The following ANKRD60 variants were observed in gnomAD, a reference collection of about 807,000 sequenced individuals.
ANKRD60 encodes ankyrin repeat domain 60.
ANKRD60 carries 24 observed loss-of-function variants against 21.3 expected under a neutral mutation model. The ratio of observed to expected loss-of-function variants is 1.13; its 90% CI spans 0.82 to 1.59. The LOEUF (loss-of-function observed/expected upper bound fraction) is 1.59, where lower values mean the gene tolerates loss of function less well. ANKRD60 is among the 40% of genes most tolerant of loss of function. The pLI is 0.00. For missense variants in ANKRD60, 490 were observed against 466.7 expected (o/e 1.05, Z -0.46); for synonymous variants, 182 against 199.4 (o/e 0.91, Z 0.74).
intron 1 of ANKRD60, among the ~76,000 whole-genome samples, chr20:58,224,029 G>C (rs983867163): frequency 6.6e-6 from 1 of 152,076 alleles, no homozygotes; most frequent in Non-Finnish European, 1.5e-5. Context: ...CTGAGCCTAG[G>C]AGACAGAGGT....
intron 3 of ANKRD60, among the ~76,000 whole-genome samples, chr20:58,220,683 A>AGTGTGTGTGTGTGTGT (rs36015489): frequency 1.3e-5 from 2 of 148,410 alleles, no homozygotes; most frequent in African/African-American, 5.1e-5. Context: ...GGTTTTTTCT[A>AGTGTGTGTGTGTGTGT]GTGTGTGTGT....
Position 58,228,121 on chromosome 20 carries a change from T to C in ANKRD60, c.430+103A>G. The C allele has an allele frequency of 8.3e-7, 1 of 1,208,426 alleles. No individual in the cohort carries two copies. The highest frequency in any genetic ancestry group is 1.1e-6 in the Non-Finnish European group (1 of 876,936). The allele number at this position is 1,208,426 out of a possible 1,614,324, so 74.9% of individuals were successfully genotyped here. The stretch of plus-strand genomic sequence containing the variant: ...TGGGTTTCAGGGGTTTGCTTTGACA[T>C]CTGGGGTTTCTCACGTAAGCAGGCT... On this transcript the variant is annotated intron_variant, in intron 1 of 3. Transcript: ENST00000457363. The surrounding 1 kb of genome is among the most constrained non-coding windows in gnomAD (Gnocchi z 5.3).
chr20:58,223,040 G>C lies in ANKRD60; in HGVS notation c.561+12C>G. On this transcript the variant is annotated intron_variant, in intron 2 of 3. Transcript: ENST00000457363. ...TAACGTATAATATCCATTTAAAGAA[G>C]CTTGAAAACACCTTGCTGGGATCCC... 6.5e-6 allele frequency: 10 copies of C among 1,541,744 alleles called. No homozygotes were observed. Among genetic ancestry groups the C allele is most frequent in the Non-Finnish European group, 8.7e-6 (10 of 1,143,998 alleles).
chr20:58,221,725 G>A (rs145596257), intron 2 of ANKRD60, among the ~76,000 whole-genome samples: 217 of 152,218 alleles, frequency 1.4e-3, no homozygotes, highest in African/African-American at 4.8e-3. Context: ...ATACGAATTC[G>A]CCGTCAGTCA....
At chr20:58,221,291 C>CA (rs968585975) in intron 3 of ANKRD60, 47 bp downstream of exon 3, 24 of 1,531,970 alleles carry the variant, frequency 1.6e-5, no homozygotes, top group East Asian at 2.5e-5. Flanking sequence ...TTTCTACCTG[C>CA]AAAAAATCCC....
downstream of ANKRD60, among the ~76,000 whole-genome samples, chr20:58,218,174 A>C (rs1984170513): frequency 6.6e-6 from 1 of 152,200 alleles, no homozygotes; most frequent in Admixed American, 6.5e-5. Context: ...CCAGTGCATT[A>C]GACGGTCCCC....
At chr20:58,219,539 C>T (rs562448372) in intron 3 of ANKRD60, among the ~76,000 whole-genome samples, 8 of 152,180 alleles carry the variant, frequency 5.3e-5, no homozygotes, top group Non-Finnish European at 1.0e-4. Flanking sequence ...GATTTCACTT[C>T]GATTAAATTC....
Position 58,221,005 on chromosome 20 carries a change from C to T in ANKRD60, c.727+333G>A, listed in dbSNP as rs534079746. 2.1e-4 allele frequency among the ~76,000 whole-genome samples: 32 copies of T among 152,262 alleles called. 1 individual carries two copies. The South Asian group carries it at 5.8e-3, about 28-fold the overall frequency. On this transcript the variant is annotated intron_variant, in intron 3 of 3. Coordinates refer to ENST00000457363, the Ensembl canonical transcript of ANKRD60. ...GGCTGGAAATCACACAGACAGCATG[C>T]GAATATTCCCAGCAATGTGTCTGGT...
downstream of ANKRD60, among the ~76,000 whole-genome samples, chr20:58,217,831 T>G (rs776615612): frequency 6.6e-6 from 1 of 152,202 alleles, no homozygotes; most frequent in Admixed American, 6.5e-5. Context: ...AGAGAAAATG[T>G]GACCAGCCTG....
In ANKRD60 at chr20:58,224,401, A is replaced by T. The variant is rs115164609; in HGVS notation, c.431-1219T>A. Among the ~76,000 whole-genome samples the T allele has an allele frequency of 7.7e-4, 118 of 152,262 alleles. 1 individual carries two copies. Among genetic ancestry groups the T allele is most frequent in the African/African-American group, 2.6e-3 (109 of 41,552 alleles). ...TACTTAGTGATTACTTGGTTCCCAG[A>T]CCGAGTACCTATATTCTTTCATCCT... On this transcript the variant is annotated intron_variant, in intron 1 of 3. Transcript: ENST00000457363.
downstream of ANKRD60, among the ~76,000 whole-genome samples, chr20:58,217,166 C>CA (rs1984153327): frequency 6.6e-6 from 1 of 152,202 alleles, no homozygotes; most frequent in Non-Finnish European, 1.5e-5. Flanking sequence ...TGTGGTGGCT[C>CA]ATGCCTGTAA....
At chr20:58,225,911 G>A (rs889313681) in intron 1 of ANKRD60, among the ~76,000 whole-genome samples, 1 of 152,152 alleles carries the variant, frequency 6.6e-6, no homozygotes, top group Non-Finnish European at 1.5e-5. Context: ...GGAAAGCCAC[G>A]CCTTCGGGTC....
exon 4 of ANKRD60, chr20:58,218,661 G>T: frequency 6.4e-7 from 1 of 1,551,776 alleles, no homozygotes; most frequent in Admixed American, 2.0e-5. Context: ...GTGTGCAATG[G>T]AGATGGGGGT....
chr20:58,224,632 A>G (rs978158928), intron 1 of ANKRD60, among the ~76,000 whole-genome samples: 1 of 152,232 alleles, frequency 6.6e-6, no homozygotes, highest in East Asian at 1.9e-4. Context: ...GTGATCAGCA[A>G]ATCTGTTAAT....
chr20:58,223,203 T>C (rs1003577328), intron 1 of ANKRD60, 21 bp from the exon 2 acceptor site: 27 of 1,532,438 alleles, frequency 1.8e-5, no homozygotes, highest in Middle Eastern at 1.7e-4. Flanking sequence ...AAATTTTTTT[T>C]CTTTTAAAAA....
chr20:58,228,467 C>A lies in ANKRD60; in HGVS notation c.187G>T (p.Ala63Ser), dbSNP rs1367966313. 2.0e-6 allele frequency: 3 copies of A among 1,523,772 alleles called. No homozygotes were observed. In the South Asian group the frequency reaches 3.6e-5, roughly 18 times the overall value. The allele number at this position is 1,523,772 out of a possible 1,614,324, so 94.4% of individuals were successfully genotyped here. The change falls in exon 1 of 4, where the codon GCG (alanine) becomes TCG (serine). Residue 63 changes from alanine to serine, a missense_variant. Transcript: ENST00000457363. The surrounding 1 kb of genome is among the most constrained non-coding windows in gnomAD (Gnocchi z 5.3). ...CCGCGGGCACAGGCCAGGGGCTGCG[C>A]GGGGAGGGCCCGCGAGTCCGCCGAG...
chr20:58,219,685 C>A (rs1254289391), intron 3 of ANKRD60, among the ~76,000 whole-genome samples: 1 of 152,170 alleles, frequency 6.6e-6, no homozygotes, highest in Non-Finnish European at 1.5e-5. Flanking sequence ...ATTTCAGTAG[C>A]CAGTTTTTAT....
intron 1 of ANKRD60, among the ~76,000 whole-genome samples, chr20:58,227,904 G>A (rs1768577364): frequency 6.6e-6 from 1 of 152,128 alleles, no homozygotes; most frequent in South Asian, 2.1e-4. Context: ...GGGGGTCCTG[G>A]CTTGGACAGG....
intron 3 of ANKRD60, 136 bp downstream of exon 3, chr20:58,221,202 G>T: frequency 1.1e-6 from 1 of 941,570 alleles, no homozygotes; most frequent in Non-Finnish European, 1.5e-6. Flanking sequence ...GGCACCATGG[G>T]GACCCTGACT....
Sources: allele counts gnomAD v4.1 joint callset (sites outside exome capture counted in the v4.1 genomes callset), GRCh38; gene constraint gnomAD v4.1.1; non-coding constraint Gnocchi (gnomAD v3.1); transcripts MANE v1.5; gene names NCBI Gene and HGNC (gene_info 2026-07-23, HGNC 2026-07-21).